Variants in ERC1 observed in about 807,000 individuals in gnomAD.
ERC1 encodes the protein RAB6 interacting protein 2.
Under a neutral mutation model 132.0 loss-of-function variants are expected in ERC1, and 56 were observed. The ratio of observed to expected loss-of-function variants is 0.42; its 90% confidence interval spans 0.34 to 0.53. The LOEUF is 0.53. ERC1 is among the 20% of genes least tolerant of loss of function. ERC1 has a pLI of 0.03. For missense variants in ERC1, 1,202 were observed against 1,349.9 expected, an observed-to-expected ratio of 0.89 and a Z score of 1.72; for synonymous variants, 478 against 476.1, an observed-to-expected ratio of 1.00 and a Z score of -0.05.
chr12:1,098,791 C>T (rs940569963), intron 3 of ERC1, among the ~76,000 whole-genome samples: 3 of 152,136 alleles, frequency 2.0e-5, no homozygotes, highest in African/African-American at 4.8e-5. Context: ...TCAGCATTTC[C>T]GTTGTATTTT....
intron 8 of ERC1, among the ~76,000 whole-genome samples, chr12:1,160,510 G>A (rs1951789328): frequency 6.6e-6 from 1 of 152,100 alleles, no homozygotes; most frequent in Non-Finnish European, 1.5e-5. Context: ...TGAGGAGGGT[G>A]GATCACCTGA....
chr12:1,315,809 GT>G (rs1189256416), intron 15 of ERC1, among the ~76,000 whole-genome samples: 1 of 152,178 alleles, frequency 6.6e-6, no homozygotes, highest in Non-Finnish European at 1.5e-5. Flanking sequence ...AGACAGTGAA[GT>G]GAATCATGGG....
chr12:1,303,681 C>T (rs1056663890), intron 15 of ERC1, among the ~76,000 whole-genome samples: 1 of 151,384 alleles, frequency 6.6e-6, no homozygotes, highest in Non-Finnish European at 1.5e-5. Context: ...ATCGGCCAGG[C>T]GTGGTGGCTC....
In ERC1 at chr12:1,383,992, A is replaced by G. The variant is rs59920952; in HGVS notation, c.2925+12015A>G. ...AGCTCATAAGTGGCTGAGCCAGGGC[A>G]GGATTCAGAGCCGATCATATCACTC... On this transcript the variant is annotated intron_variant, in intron 16 of 18. Coordinates refer to ENST00000360905, the MANE Select transcript of ERC1 (RefSeq NM_178040.4). 1.8e-3 allele frequency among the ~76,000 whole-genome samples: 280 copies of G among 152,340 alleles called. 2 individuals carry two copies. Among genetic ancestry groups the G allele is most frequent in the African/African-American group, 6.5e-3 (271 of 41,566 alleles).
chr12:1,124,263 A>G (rs868688192), intron 7 of ERC1, among the ~76,000 whole-genome samples: 2 of 152,218 alleles, frequency 1.3e-5, no homozygotes, highest in Non-Finnish European at 2.9e-5. Flanking sequence ...CCAAGAGTCA[A>G]AGTCACATGA....
chr12:1,236,912 C>T lies in ERC1; in HGVS notation c.2487+8C>T. The T allele has an allele frequency of 1.2e-6, 2 of 1,613,698 alleles. No individual in the cohort carries two copies. Among genetic ancestry groups the T allele is most frequent in the Non-Finnish European group, 1.7e-6 (2 of 1,179,740 alleles). On this transcript the variant is annotated splice_region_variant and intron_variant, in intron 13 of 18. Transcript: ENST00000360905. ...AGCTCTCAGCAGCTACAGGTTAGAA[C>T]ACAAGGAGAATCTGAAAGGATCGGG...
chr12:1,098,955 A>C (rs922814792), intron 3 of ERC1, among the ~76,000 whole-genome samples: 1 of 152,232 alleles, frequency 6.6e-6, no homozygotes, highest in African/African-American at 2.4e-5. Context: ...GTGAGAACTA[A>C]AAACAGGAGA....
chr12:1,393,651 A>G (rs2090184109), intron 16 of ERC1, among the ~76,000 whole-genome samples: 1 of 131,440 alleles, frequency 7.6e-6, no homozygotes, highest in Non-Finnish European at 1.6e-5. Flanking sequence ...TGTGTGTGTA[A>G]AGTGCTTGGA....
chr12:1,164,398 A>C (rs994930422), intron 8 of ERC1, among the ~76,000 whole-genome samples: 1 of 151,790 alleles, frequency 6.6e-6, no homozygotes, highest in African/African-American at 2.4e-5. Flanking sequence ...CCTGGAGTGC[A>C]GTGGCGCTAT....
chr12:1,110,983 C>T (rs935877956), intron 5 of ERC1, among the ~76,000 whole-genome samples: 4 of 152,066 alleles, frequency 2.6e-5, no homozygotes, highest in Non-Finnish European at 5.9e-5. Context: ...GGATTACAGA[C>T]GTGAGCCACC....
At chr12:1,391,856 G>T (rs1472379549) in intron 16 of ERC1, among the ~76,000 whole-genome samples, 1 of 152,168 alleles carries the variant, frequency 6.6e-6, no homozygotes, top group Non-Finnish European at 1.5e-5. Context: ...GGCATTTCCT[G>T]GTTGTTGGCT....
At chr12:1,096,810 AATAGAAC>A (rs1370826509) in intron 3 of ERC1, among the ~76,000 whole-genome samples, 1 of 152,224 alleles carries the variant, frequency 6.6e-6, no homozygotes, top group African/African-American at 2.4e-5. Context: ...TAGGTCTAGA[AATAGAAC>A]TTTCACAGCC....
At chr12:1,105,559 G>T (rs140814122) in intron 4 of ERC1, among the ~76,000 whole-genome samples, 1 of 151,834 alleles carries the variant, frequency 6.6e-6, no homozygotes, top group Non-Finnish European at 1.5e-5. Context: ...GGGTTTCACC[G>T]TGTTAGCCAG....
chr12:1,414,066 G>A (rs1428068950), intron 17 of ERC1, among the ~76,000 whole-genome samples: 2 of 152,176 alleles, frequency 1.3e-5, no homozygotes, highest in African/African-American at 4.8e-5. Flanking sequence ...GCGCTCCCGT[G>A]AGAATCTAAT....
intron 12 of ERC1, among the ~76,000 whole-genome samples, chr12:1,207,076 C>A (rs925085329): frequency 6.6e-6 from 1 of 152,048 alleles, no homozygotes; most frequent in South Asian, 2.1e-4. Flanking sequence ...CCCAAAAAAT[C>A]CCATTGTTAT....
intron 1 of ERC1, among the ~76,000 whole-genome samples, chr12:1,022,736 G>A (rs183419600): frequency 4.1e-4 from 63 of 152,094 alleles, no homozygotes; most frequent in African/African-American, 1.3e-3. Flanking sequence ...CATAATCTTG[G>A]GTCACTGAAA....
intron 12 of ERC1, among the ~76,000 whole-genome samples, chr12:1,205,357 G>A (rs777018675): frequency 1.1e-4 from 16 of 150,790 alleles, no homozygotes; most frequent in Non-Finnish European, 1.9e-4. Context: ...TAATAATAGC[G>A]ATTATATATA....
At chr12:1,480,134 G>C (rs961079339) in intron 18 of ERC1, among the ~76,000 whole-genome samples, 1 of 151,326 alleles carries the variant, frequency 6.6e-6, no homozygotes, top group African/African-American at 2.4e-5. Flanking sequence ...TGCCCAGGAG[G>C]CTTGAGGAAT....
At chr12:1,252,019 G>A (rs139076010) in intron 13 of ERC1, among the ~76,000 whole-genome samples, 110 of 152,054 alleles carry the variant, frequency 7.2e-4, no homozygotes, top group African/African-American at 2.4e-3. Flanking sequence ...ATACATAATA[G>A]TTATACATAT....
Sources: gnomAD v4.1 joint callset for allele counts (sites outside exome capture counted in the v4.1 genomes callset) on GRCh38, gnomAD v4.1.1 for gene constraint, MANE v1.5 for transcripts, NCBI Gene and HGNC (gene_info 2026-07-23, HGNC 2026-07-21) for gene names.